The following ZNF418 variants were observed in gnomAD, a reference collection of about 807,000 sequenced individuals.
The protein encoded by ZNF418 is zinc finger protein 418.
ZNF418 carries 32 observed loss-of-function variants against 32.0 expected under a neutral mutation model. That is an observed-to-expected ratio of 1.00 (90% CI 0.75 to 1.34). The LOEUF (loss-of-function observed/expected upper bound fraction) is 1.34. Among genes scored for constraint, ZNF418 ranks in the 40% most tolerant of loss-of-function variants. The probability of loss-of-function intolerance (pLI) is 0.00; values close to 1 mark genes in which losing one functional copy is unlikely to be tolerated. For synonymous variants in ZNF418, 276 were observed against 270.7 expected, an observed-to-expected ratio of 1.02 and a Z score of -0.19; for missense variants, 804 against 812.5, an observed-to-expected ratio of 0.99 and a Z score of 0.13.
rs764621984 is a variant in ZNF418, at chr19:57,926,270, G to A, written c.1911C>T (p.His637=). Residue 637 remains histidine, a synonymous_variant, in exon 4 of 6, where the codon CAC becomes CAT. Transcript: ENST00000396147. ...GCCTTTCTCCAGTGTGTACTCTCCT[G>A]TGTTCAGTAAGACTGAAGGTTTCAG... is the stretch of plus-strand genomic sequence containing the variant. ...SFAETFSLTE[H]RRVHTGERPY... 2 of 1,612,604 alleles carry A rather than the reference G, an allele frequency of 1.2e-6. No homozygotes were observed. Among genetic ancestry groups the A allele is most frequent in the East Asian group, 2.2e-5 (1 of 44,806 alleles).
At position 57,922,750 on chromosome 19, in the gene ZNF418, G is replaced by A. The variant is rs2072040901; in HGVS notation, c.*626-121C>T. ...CACAGTGGCTCATCCTGTAATCTTA[G>A]CATTTTGAGAGGCCAAGGTGGGAAG... On this transcript the variant is annotated intron_variant, in intron 5 of 5. Coordinates refer to ENST00000396147, the MANE Select transcript of ZNF418 (RefSeq NM_133460.3). 2.3e-5 allele frequency: 9 copies of A among 391,326 alleles called. No individual in the cohort carries two copies. The South Asian group carries it at 1.3e-3, about 54-fold the overall frequency. 24.2% of individuals were successfully genotyped at this position (391,326 alleles called of 1,614,324 possible).
Position 57,928,059 on chromosome 19 carries a change from A to C in ZNF418, c.134-12T>G. ...TCCACACCAACAACCTGAAAGCAAG[A>C]AAATGCTGATGAATTCAAGTTAACT... is the stretch of plus-strand genomic sequence containing the variant. On this transcript the variant is annotated splice_polypyrimidine_tract_variant and intron_variant, in intron 3 of 5. Coordinates refer to ENST00000396147, the MANE Select transcript of ZNF418 (RefSeq NM_133460.3). 1 of 1,519,626 alleles carries C rather than the reference A, an allele frequency of 6.6e-7. No individual in the cohort carries two copies. Among genetic ancestry groups the C allele is most frequent in the South Asian group, 1.3e-5 (1 of 75,962 alleles). 94.1% of individuals were successfully genotyped at this position (1,519,626 alleles called of 1,614,324 possible). A position where few individuals can be genotyped will look rare whatever the true frequency, so the allele number is the denominator to read the frequency against.
rs1160370317 is a variant in ZNF418 at position 57,933,831 on chromosome 19, G to T, written c.-9C>A. ...GTAACCCTCACCTGCATTATGGCAG[G>T]AGTTTAAACTCTGATCCTCCTTCCT... On this transcript the variant is annotated 5_prime_UTR_variant, in exon 2 of 6. Transcript: ENST00000396147. 2 of 1,614,050 alleles carry T rather than the reference G, an allele frequency of 1.2e-6. No individual in the cohort carries two copies. Among genetic ancestry groups the T allele is most frequent in the Admixed American group, 1.7e-5 (1 of 59,992 alleles).
In ZNF418 at chr19:57,927,808, G is replaced by T; in HGVS notation, c.373C>A (p.Arg125Ser). The T allele has an allele frequency of 6.2e-7, 1 of 1,614,146 alleles. No individual in the cohort carries two copies. The highest frequency in any genetic ancestry group is 8.5e-7 in the Non-Finnish European group (1 of 1,180,038). Residue 125 changes from arginine (R) to serine (S), a missense_variant, in exon 4 of 6, where the codon CGT (arginine) becomes AGT (serine). Physicochemically the swap from Arg to Ser is moderately radical, Grantham distance 110. Transcript: ENST00000396147. The stretch of plus-strand genomic sequence containing the variant: ...CCAAGGTACTGATTCTGGTGCGGAC[G>T]GTTTGAACTATCATACAATTTATTC... The part of the protein sequence containing the change: ...WGNKLYDSSN[R>S]PHQNQYLGEK...
At chr19:57,924,640 TG>T (rs2072140850) in intron 4 of ZNF418, among the ~76,000 whole-genome samples, 2 of 152,164 alleles carry the variant, frequency 1.3e-5, no homozygotes, top group South Asian at 4.1e-4. Context: ...TCTCATAACC[TG>T]GGACACCACA....
rs2072214551 is a variant in ZNF418 at position 57,926,255 on chromosome 19, A to G, written c.1926T>C (p.Thr642=). ...FSLTEHRRVH[T]GERPYECSEC... is the part of the protein sequence containing the mutation. ...CACTGCACTCATAAGGCCTTTCTCC[A>G]GTGTGTACTCTCCTGTGTTCAGTAA... The change falls in exon 4 of 6, where the codon ACT becomes ACC. Residue 642 remains threonine (T), a synonymous_variant. Coordinates refer to ENST00000396147, the MANE Select transcript of ZNF418 (RefSeq NM_133460.3). 6.2e-7 allele frequency: 1 copy of G among 1,613,802 alleles called. No individual in the cohort carries two copies. The highest frequency in any genetic ancestry group is 8.5e-7 in the Non-Finnish European group (1 of 1,179,914).
chr19:57,933,395 G>A (rs140989459), intron 2 of ZNF418, among the ~76,000 whole-genome samples: 2,461 of 151,508 alleles, frequency 0.016, 84 homozygotes, highest in African/African-American at 0.058. Context: ...TGGCTAACAC[G>A]GTGAAACCCC....
chr19:57,929,422 G>C (rs1375055767), intron 3 of ZNF418, among the ~76,000 whole-genome samples: 1 of 152,206 alleles, frequency 6.6e-6, no homozygotes, highest in Admixed American at 6.5e-5. Context: ...TCACAATGAT[G>C]AAGTACATGG....
chr19:57,933,334 C>T (rs1054232029), intron 2 of ZNF418, among the ~76,000 whole-genome samples: 1 of 152,200 alleles, frequency 6.6e-6, no homozygotes, highest in Admixed American at 6.5e-5. Context: ...AATCCCAGCA[C>T]TTTGGGAGGC....
rs866340998 is a variant in ZNF418, at chr19:57,926,757, A to C, written c.1424T>G (p.Val475Gly). 1.2e-6 allele frequency: 2 copies of C among 1,613,740 alleles called. No individual in the cohort carries two copies. Among genetic ancestry groups the C allele is most frequent in the Non-Finnish European group, 1.7e-6 (2 of 1,179,948 alleles). The change falls in exon 4 of 6, where the codon GTT (valine) becomes GGT (glycine). Residue 475 changes from valine (V) to glycine (G), a missense_variant. Val to Gly is a moderately radical substitution (Grantham distance 109). This residue lies in a region of ZNF418 where 475 missense variants were observed against 458.6 expected (regional missense o/e 1.04). Transcript: ENST00000396147. ...GKSHLIEHQR[V>G]HTGERPYECN... The stretch of plus-strand genomic sequence containing the variant: ...TTCATATGGCCTTTCTCCAGTGTGA[A>C]CTCTCTGGTGTTCAATGAGGTGGGA...
At position 57,922,592 on chromosome 19, in the gene ZNF418, A is replaced by C. The variant is rs2072033823; in HGVS notation, c.*663T>G. On this transcript the variant is annotated 3_prime_UTR_variant, in exon 6 of 6. Coordinates refer to ENST00000396147, the MANE Select transcript of ZNF418 (RefSeq NM_133460.3). ...AATGCATACAGTTTACCAAATATGA[A>C]AAGGTGAGGTGGGCAAAGGGAAATG... 1 of 398,500 alleles carries C rather than the reference A, an allele frequency of 2.5e-6. No individual in the cohort carries two copies. The allele number at this position is 398,500 out of a possible 1,614,324, so 24.7% of individuals were successfully genotyped here.
chr19:57,929,325 C>T (rs1159983662), intron 3 of ZNF418, among the ~76,000 whole-genome samples: 3 of 152,366 alleles, frequency 2.0e-5, no homozygotes, highest in East Asian at 3.9e-4. Flanking sequence ...GGTGCCACTC[C>T]TCAGTGACAG....
intron 3 of ZNF418, among the ~76,000 whole-genome samples, chr19:57,928,822 T>C (rs1006523912): frequency 3.3e-5 from 5 of 151,782 alleles, no homozygotes; most frequent in Non-Finnish European, 7.4e-5. Context: ...TGAAACCCCG[T>C]CTCTACTAAA....
Position 57,927,607 on chromosome 19 carries a change from A to G in ZNF418, c.574T>C (p.Cys192Arg). Residue 192 changes from cysteine (C) to arginine (R), a missense_variant, in exon 4 of 6, where the codon TGT (cysteine) becomes CGT (arginine). By Grantham distance (180) the Cys-to-Arg change is radical. Around this residue, in one of 3 missense-constraint regions of ZNF418, gnomAD observed 307 missense variants for 304.9 expected, o/e 1.01. Transcript: ENST00000396147. The stretch of plus-strand genomic sequence containing the variant: ...TCTCCCCACTGAAAGGGAGACTCAC[A>G]CTCAGGTTTGCTGTTTGACTTCTCC... ...TGEKSNSKPECESPFQWGDTH... is the reference protein window; with the variant it reads ...TGEKSNSKPERESPFQWGDTH... The G allele has an allele frequency of 6.2e-7, 1 of 1,614,014 alleles. No individual in the cohort carries two copies. The highest frequency in any genetic ancestry group is 8.5e-7 in the Non-Finnish European group (1 of 1,179,918).
In ZNF418 at chr19:57,933,874, G is replaced by A; in HGVS notation, c.-52C>T. The A allele has an allele frequency of 6.2e-7, 1 of 1,614,040 alleles. No individual in the cohort carries two copies. The highest frequency in any genetic ancestry group is 8.5e-7 in the Non-Finnish European group (1 of 1,180,032). ...TCCTTCCTCCTCCCTCAAACACAGTGTGTTCTCTTCTTTGCAGCCAGATGA... is the reference window on the plus strand; with the variant it reads ...TCCTTCCTCCTCCCTCAAACACAGTATGTTCTCTTCTTTGCAGCCAGATGA... On this transcript the variant is annotated 5_prime_UTR_variant, in exon 2 of 6. Transcript: ENST00000396147.
At chr19:57,925,444 G>C (rs1416671003) in intron 4 of ZNF418, among the ~76,000 whole-genome samples, 179 bp downstream of exon 4, 1 of 147,678 alleles carries the variant, frequency 6.8e-6, no homozygotes, top group Admixed American at 6.8e-5. Flanking sequence ...CTGGGCGACA[G>C]AGCGAGACTC....
chr19:57,935,327 CCT>C lies in ZNF418; in HGVS notation c.-249_-248del. ...GCGGTTCGGACCCATAGCTCCAGCG[CCT>C]CTCACCTCACAAACCGCAGAAACAC... On this transcript the variant is annotated 5_prime_UTR_variant, in exon 1 of 6. Coordinates refer to ENST00000396147, the MANE Select transcript of ZNF418 (RefSeq NM_133460.3). 1.3e-6 allele frequency: 1 copy of C among 754,520 alleles called. No homozygotes were observed. The highest frequency in any genetic ancestry group is 1.7e-6 in the Non-Finnish European group (1 of 598,274). 46.7% of individuals were successfully genotyped at this position (754,520 alleles called of 1,614,324 possible).
chr19:57,925,469 A>AG lies in ZNF418; in HGVS notation c.*527+153_*527+154insC, dbSNP rs987812056. Among the ~76,000 whole-genome samples the AG allele has an allele frequency of 4.6e-5, 7 of 152,108 alleles. No homozygotes were observed. The East Asian group carries it at 1.4e-3, about 30-fold the overall frequency. Reference sequence around the variant, plus strand: ...GAGCGAGACTCTGTCTCAAAAAAAAAAAAAAAATATCACATGAGACCCATA... The same window carrying AG: ...GAGCGAGACTCTGTCTCAAAAAAAAAGAAAAAAATATCACATGAGACCCATA... On this transcript the variant is annotated intron_variant, in intron 4 of 5. Transcript: ENST00000396147.
intron 4 of ZNF418, 63 bp from the exon 5 acceptor site, chr19:57,923,352 G>C (rs977122648): frequency 1.3e-5 from 2 of 151,614 alleles, no homozygotes; most frequent in African/African-American, 4.8e-5. Context: ...CATTGCAGAC[G>C]GGAGTATTTT....
Sources: allele counts gnomAD v4.1 joint callset (sites outside exome capture counted in the v4.1 genomes callset), GRCh38; gene constraint gnomAD v4.1.1; regional missense constraint gnomAD v4.1.1; transcripts MANE v1.5; gene names NCBI Gene and HGNC (gene_info 2026-07-23, HGNC 2026-07-21).